The following SHANK2 variants were observed in gnomAD, a reference collection of about 807,000 sequenced individuals.
SHANK2 encodes the protein SH3 and multiple ankyrin repeat domains protein 2.
In SHANK2, 43 loss-of-function variants were observed where a neutral mutation model predicts 133.7. The observed-to-expected ratio is 0.32, with a 90% confidence interval of 0.25 to 0.41. The LOEUF is 0.41. SHANK2 is among the 10% of genes least tolerant of loss of function. The pLI is 1.00. For synonymous variants in SHANK2, 1,017 were observed against 952.8 expected (o/e 1.07, Z -1.24); for missense variants, 1,994 against 2,235.8 (o/e 0.89, Z 2.18).
intron 17 of SHANK2, among the ~76,000 whole-genome samples, chr11:70,650,626 C>A (rs2061328894): frequency 6.6e-6 from 1 of 152,220 alleles, no homozygotes; most frequent in Non-Finnish European, 1.5e-5. Flanking sequence ...CGGTCATGCC[C>A]AGCTTCATAG....
chr11:71,155,175 A>C (rs186672079), intron 2 of SHANK2, among the ~76,000 whole-genome samples: 5 of 69,516 alleles, frequency 7.2e-5, no homozygotes, highest in East Asian at 5.0e-4. Flanking sequence ...CCCCAGCCCA[A>C]GCTCCCAGAG....
chr11:71,237,108 G>A (rs782471872), intron 1 of SHANK2, among the ~76,000 whole-genome samples: 9 of 152,170 alleles, frequency 5.9e-5, no homozygotes, highest in Non-Finnish European at 8.8e-5. Flanking sequence ...TAAACCCGAG[G>A]GGACTGCAGC....
At chr11:70,776,043 A>C (rs143039406) in intron 14 of SHANK2, among the ~76,000 whole-genome samples, 2 of 152,268 alleles carry the variant, frequency 1.3e-5, no homozygotes, top group Non-Finnish European at 2.9e-5. Flanking sequence ...GGGGGCTCCC[A>C]GCCCTGGCTG....
chr11:70,483,014 G>T (rs982375322), intron 25 of SHANK2, among the ~76,000 whole-genome samples: 1 of 152,194 alleles, frequency 6.6e-6, no homozygotes, highest in Non-Finnish European at 1.5e-5. Context: ...TGGACTCCCC[G>T]AGTGGAGTGC....
chr11:71,212,689 A>T (rs1954307767), intron 2 of SHANK2, among the ~76,000 whole-genome samples: 1 of 152,200 alleles, frequency 6.6e-6, no homozygotes, highest in East Asian at 1.9e-4. Flanking sequence ...AATAAACTCA[A>T]TCCAAGTCCT....
intron 14 of SHANK2, among the ~76,000 whole-genome samples, chr11:70,758,002 A>G (rs926360739): frequency 2.6e-5 from 4 of 152,174 alleles, no homozygotes; most frequent in African/African-American, 4.8e-5. Context: ...TAGGCAGACT[A>G]AGAATCCCTA....
At chr11:70,498,238 T>A (rs968397371) in intron 21 of SHANK2, among the ~76,000 whole-genome samples, 2 of 152,200 alleles carry the variant, frequency 1.3e-5, no homozygotes, top group Admixed American at 1.3e-4. Context: ...CAAATGTCAC[T>A]CCATTTCCAA....
At chr11:71,134,810 T>C (rs1420171902) in intron 3 of SHANK2, among the ~76,000 whole-genome samples, 4 of 152,164 alleles carry the variant, frequency 2.6e-5, no homozygotes, top group Non-Finnish European at 5.9e-5. Flanking sequence ...GAAGCGTCTG[T>C]GGGTCTCCAG....
At chr11:70,870,864 C>T (rs1338211114) in intron 11 of SHANK2, among the ~76,000 whole-genome samples, 1 of 152,136 alleles carries the variant, frequency 6.6e-6, no homozygotes, top group Non-Finnish European at 1.5e-5. Flanking sequence ...GCAGCCTCCG[C>T]CCACACAGAT....
intron 9 of SHANK2, among the ~76,000 whole-genome samples, chr11:71,058,410 C>A (rs1255238262): frequency 6.6e-6 from 1 of 152,174 alleles, no homozygotes; most frequent in Non-Finnish European, 1.5e-5. Context: ...CCAGTGGGGA[C>A]TGCAGCGGCA....
At chr11:70,559,543 C>A (rs1042455352) in intron 17 of SHANK2, among the ~76,000 whole-genome samples, 6 of 152,152 alleles carry the variant, frequency 3.9e-5, no homozygotes, top group African/African-American at 1.4e-4. Flanking sequence ...AGTGGCACGG[C>A]ACTCCTCACA....
chr11:70,599,951 G>GAAAGAA (rs1565166653), intron 17 of SHANK2, among the ~76,000 whole-genome samples: 4 of 132,484 alleles, frequency 3.0e-5, no homozygotes, highest in Non-Finnish European at 4.7e-5. Context: ...AAGAAAGAAA[G>GAAAGAA]AAAGAAAGAA....
In SHANK2 at chr11:70,492,468, G is replaced by A. The variant is rs1475169941; in HGVS notation, c.2309-3C>T. ...CGGGACTATCTCCTCGGGTTTATCTGCAATAGAACCGTGAGGATTGGAGCA... is the reference window on the plus strand; with the variant it reads ...CGGGACTATCTCCTCGGGTTTATCTACAATAGAACCGTGAGGATTGGAGCA... On this transcript the variant is annotated splice_region_variant and splice_polypyrimidine_tract_variant and intron_variant, in intron 21 of 25. Coordinates refer to ENST00000601538, the MANE Select transcript of SHANK2 (RefSeq NM_012309.5). The A allele has an allele frequency of 1.9e-6, 3 of 1,613,834 alleles. No individual in the cohort carries two copies. The highest frequency in any genetic ancestry group is 1.7e-6 in the Non-Finnish European group (2 of 1,180,050).
intron 15 of SHANK2, among the ~76,000 whole-genome samples, chr11:70,679,814 A>G (rs574939051): frequency 6.6e-6 from 1 of 152,306 alleles, no homozygotes; most frequent in South Asian, 2.1e-4. Context: ...TGGAGTGACA[A>G]CTAGAACCGG....
chr11:70,544,073 A>T (rs1309098806), intron 17 of SHANK2, among the ~76,000 whole-genome samples: 1 of 152,188 alleles, frequency 6.6e-6, no homozygotes, highest in Non-Finnish European at 1.5e-5. Flanking sequence ...GTTAGCAGAC[A>T]CGTTCCCATT....
chr11:71,056,213 C>T (rs890955150), intron 10 of SHANK2, among the ~76,000 whole-genome samples: 8 of 152,314 alleles, frequency 5.3e-5, no homozygotes, highest in Non-Finnish European at 1.0e-4. Flanking sequence ...GTCTTTGCTG[C>T]CTTTCCGGCG....
chr11:70,799,732 G>A (rs1356393362), intron 13 of SHANK2, among the ~76,000 whole-genome samples: 3 of 152,196 alleles, frequency 2.0e-5, no homozygotes, highest in East Asian at 3.8e-4. Flanking sequence ...GGACAGACAC[G>A]GCCACCCCAG....
At chr11:71,104,752 C>T (rs1191112239) in intron 6 of SHANK2, among the ~76,000 whole-genome samples, 1 of 152,208 alleles carries the variant, frequency 6.6e-6, no homozygotes, top group Non-Finnish European at 1.5e-5. Flanking sequence ...TCTAACAGCA[C>T]TGCTGGTTTC....
chr11:71,144,227 C>T (rs1270870461), intron 3 of SHANK2, among the ~76,000 whole-genome samples: 1 of 152,158 alleles, frequency 6.6e-6, no homozygotes, highest in Non-Finnish European at 1.5e-5. Context: ...CGCATGCGTG[C>T]ACCCATGCAC....
Sources: gnomAD v4.1 joint callset for allele counts (sites outside exome capture counted in the v4.1 genomes callset) on GRCh38, gnomAD v4.1.1 for gene constraint, MANE v1.5 for transcripts, NCBI Gene and HGNC (gene_info 2026-07-23, HGNC 2026-07-21) for gene names.